STK33: variants seen among roughly 807,000 people sequenced by gnomAD.
The protein encoded by STK33 is serine/threonine-protein kinase 33.
STK33 carries 52 observed loss-of-function variants against 58.0 expected under a neutral mutation model. That is an observed-to-expected ratio of 0.90 (90% CI 0.72 to 1.13). STK33 has a LOEUF of 1.13. Among genes scored for constraint, STK33 ranks in the 50% most tolerant of loss-of-function variants. The pLI, the probability that STK33 is intolerant of heterozygous loss-of-function variation, is 0.00. For missense variants in STK33, 630 were observed against 604.2 expected, an observed-to-expected ratio of 1.04 and a Z score of -0.45; for synonymous variants, 215 against 200.1, an observed-to-expected ratio of 1.07 and a Z score of -0.63.
chr11:8,561,141 ACCCCTTC>A (rs1957085707), intron 1 of STK33, among the ~76,000 whole-genome samples: 1 of 152,044 alleles, frequency 6.6e-6, no homozygotes, highest in Non-Finnish European at 1.5e-5. Context: ...TGCCCTATCA[ACCCCTTC>A]CTATCTCTGC....
At chr11:8,554,874 G>C (rs988204357) in intron 1 of STK33, 3 of 151,912 alleles carry the variant, frequency 2.0e-5, no homozygotes, top group Admixed American at 1.3e-4. Context: ...ATCAACAGAT[G>C]AATGGATAAA....
At chr11:8,432,275 T>G (rs1943514298) in intron 14 of STK33, among the ~76,000 whole-genome samples, 1 of 152,160 alleles carries the variant, frequency 6.6e-6, no homozygotes, top group South Asian at 2.1e-4. Flanking sequence ...AAATTCTTGG[T>G]GTTATTTGTC....
chr11:8,587,091 G>A (rs1945067694), intron 1 of STK33, among the ~76,000 whole-genome samples: 1 of 152,036 alleles, frequency 6.6e-6, no homozygotes, highest in Non-Finnish European at 1.5e-5. Context: ...CACAGTAGGT[G>A]ATCAACAAAA....
At chr11:8,541,816 A>G (rs1221874298) in intron 1 of STK33, among the ~76,000 whole-genome samples, 1 of 152,174 alleles carries the variant, frequency 6.6e-6, no homozygotes, top group Non-Finnish European at 1.5e-5. Flanking sequence ...AGTCTAATGG[A>G]GTATGGATTT....
At chr11:8,539,526 T>G (rs1180878852) in intron 1 of STK33, among the ~76,000 whole-genome samples, 1 of 152,146 alleles carries the variant, frequency 6.6e-6, no homozygotes, top group Non-Finnish European at 1.5e-5. Context: ...TACAAACAGG[T>G]AGGAATCTGT....
chr11:8,570,662 G>A (rs189153818), intron 1 of STK33, among the ~76,000 whole-genome samples: 182 of 152,280 alleles, frequency 1.2e-3, no homozygotes, highest in Non-Finnish European at 1.8e-3. Flanking sequence ...CTAATCTACA[G>A]TGACAGAAAA....
At position 8,476,524 on chromosome 11, in the gene STK33, T is replaced by G. The variant is rs183228610; in HGVS notation, c.-162+163A>C. ...TGCTCCTCTAATATGCCAAGTATAC[T>G]CCCTTCTCAAGGCTTTGCCCTTCTG... On this transcript the variant is annotated intron_variant, in intron 4 of 15. Coordinates refer to ENST00000687296, the MANE Select transcript of STK33 (RefSeq NM_001352389.2). 5.9e-5 allele frequency among the ~76,000 whole-genome samples: 9 copies of G among 152,288 alleles called. No individual in the cohort carries two copies. The East Asian group carries it at 7.7e-4, about 13-fold the overall frequency.
intron 1 of STK33, among the ~76,000 whole-genome samples, chr11:8,522,468 C>CAAA (rs112160760): frequency 8.1e-6 from 1 of 123,266 alleles, no homozygotes; most frequent in South Asian, 2.5e-4. Context: ...ACACTGGGGC[C>CAAA]AAAAAAAAAA....
chr11:8,501,822 T>C (rs560749660), intron 1 of STK33, among the ~76,000 whole-genome samples: 2 of 152,318 alleles, frequency 1.3e-5, no homozygotes, highest in South Asian at 4.1e-4. Context: ...CATCAGCTGA[T>C]GAATAAAGAA....
chr11:8,377,780 T>C, the STK33 span, among the ~76,000 whole-genome samples: 3 of 152,306 alleles, frequency 2.0e-5, no homozygotes, highest in Admixed American at 2.0e-4. Context: ...GGTAATAAAA[T>C]CAATGTACAC....
At position 8,474,953 on chromosome 11, in the gene STK33, T is replaced by C. The variant is rs766740304; in HGVS notation, c.-48A>G. On this transcript the variant is annotated 5_prime_UTR_variant, in exon 5 of 16. Transcript: ENST00000687296. Reference sequence around the variant, plus strand: ...CAACTTTAAAAATGTTTCCACTGTTTGAGGAAGAAAACCAGGCCAAAAAGG... The same window carrying C: ...CAACTTTAAAAATGTTTCCACTGTTCGAGGAAGAAAACCAGGCCAAAAAGG... 9 of 1,518,630 alleles carry C rather than the reference T, an allele frequency of 5.9e-6. No homozygotes were observed. The highest frequency in any genetic ancestry group is 7.9e-6 in the Non-Finnish European group (9 of 1,133,300). 94.1% of individuals were successfully genotyped at this position (1,518,630 alleles called of 1,614,324 possible). A position where few individuals can be genotyped will look rare whatever the true frequency, so the allele number is the denominator to read the frequency against.
At chr11:8,450,140 A>C (rs796457716) in intron 11 of STK33, among the ~76,000 whole-genome samples, 1 of 152,210 alleles carries the variant, frequency 6.6e-6, no homozygotes, top group South Asian at 2.1e-4. Flanking sequence ...CCAATAGCAA[A>C]GACTTGGAAC....
At chr11:8,491,587 C>T (rs1267075259) in intron 1 of STK33, among the ~76,000 whole-genome samples, 2 of 152,138 alleles carry the variant, frequency 1.3e-5, no homozygotes, top group Non-Finnish European at 2.9e-5. Context: ...TCAGGAAATA[C>T]AGAGAACACC....
At chr11:8,392,801 G>C in intron 15 of STK33, 91 bp from the exon 16 acceptor site, 5 of 1,276,960 alleles carry the variant, frequency 3.9e-6, no homozygotes, top group Middle Eastern at 2.4e-4. Context: ...TCCAGGATTT[G>C]CAAGTTGGAG....
chr11:8,335,839 G>A, the STK33 span, among the ~76,000 whole-genome samples: 1 of 152,118 alleles, frequency 6.6e-6, no homozygotes, highest in Non-Finnish European at 1.5e-5. Flanking sequence ...CAGAAATCTA[G>A]CGTGTATTTT....
At chr11:8,499,916 G>C (rs749857329) in intron 1 of STK33, among the ~76,000 whole-genome samples, 5 of 152,036 alleles carry the variant, frequency 3.3e-5, no homozygotes, top group Admixed American at 1.3e-4. Flanking sequence ...ACCAGGGCCT[G>C]TCGTGGGGTG....
At chr11:8,355,932 G>T in the STK33 span, among the ~76,000 whole-genome samples, 1 of 152,182 alleles carries the variant, frequency 6.6e-6, no homozygotes, top group African/African-American at 2.4e-5. Context: ...AAGGAGTGCT[G>T]ATAGGTCTGT....
intron 8 of STK33, among the ~76,000 whole-genome samples, chr11:8,459,579 TA>T: frequency 6.6e-6 from 1 of 152,270 alleles, no homozygotes; most frequent in East Asian, 1.9e-4. Context: ...ATAGGGTAGT[TA>T]TTCCTGAGAG....
chr11:8,385,770 A>G, the STK33 span, among the ~76,000 whole-genome samples: 2 of 149,220 alleles, frequency 1.3e-5, no homozygotes, highest in African/African-American at 4.9e-5. Flanking sequence ...GAGTCTCTCA[A>G]TCCAGTTCCT....
Sources: gnomAD v4.1 joint callset for allele counts (sites outside exome capture counted in the v4.1 genomes callset) on GRCh38, gnomAD v4.1.1 for gene constraint, MANE v1.5 for transcripts, NCBI Gene and HGNC (gene_info 2026-07-23, HGNC 2026-07-21) for gene names.